Variants in ICAM5 observed in about 807,000 individuals in gnomAD.
ICAM5 encodes intercellular adhesion molecule 5, also known as ICAM-5.
ICAM5 carries 38 observed loss-of-function variants against 78.8 expected under a neutral mutation model. The ratio of observed to expected loss-of-function variants is 0.48; its 90% CI spans 0.37 to 0.63. The LOEUF (loss-of-function observed/expected upper bound fraction) is 0.63. Among genes scored for constraint, ICAM5 ranks in the 30% least tolerant of loss-of-function variants. The probability of loss-of-function intolerance (pLI) is 0.00; values close to 1 mark genes in which losing one functional copy is unlikely to be tolerated. For synonymous variants in ICAM5, 544 were observed against 590.9 expected, an observed-to-expected ratio of 0.92 and a Z score of 1.15; for missense variants, 1,059 against 1,303.0, an observed-to-expected ratio of 0.81 and a Z score of 2.88.
chr19:10,296,510 G>C lies in ICAM5; in HGVS notation c.2669G>C (p.Gly890Ala), dbSNP rs1265555773. 1 of 1,221,374 alleles carries C rather than the reference G, an allele frequency of 8.2e-7. No homozygotes were observed. Among genetic ancestry groups the C allele is most frequent in the African/African-American group, 1.6e-5 (1 of 63,096 alleles). 75.7% of individuals were successfully genotyped at this position (1,221,374 alleles called of 1,614,324 possible). The change falls in exon 11 of 11, where the codon GGC (glycine) becomes GCC (alanine). Residue 890 changes from glycine (G) to alanine (A), a missense_variant. Physicochemically the swap from Gly to Ala is moderately conservative, Grantham distance 60. This residue lies in a region of ICAM5 where 109 missense variants were observed against 120.0 expected (regional missense o/e 0.91). Transcript: ENST00000221980. ...EAVCLNGAGG[G>A]AGGAAGAEGG... ...GTGTGTCTGAACGGAGCGGGCGGCG[G>C]CGCTGGCGGGGCGGCAGGCGCGGAG...
chr19:10,290,123 C>T lies in ICAM5; in HGVS notation c.80C>T (p.Ser27Leu). The T allele has an allele frequency of 6.6e-7, 1 of 1,524,664 alleles. No homozygotes were observed. Among genetic ancestry groups the T allele is most frequent in the Non-Finnish European group, 8.8e-7 (1 of 1,134,112 alleles). 94.4% of individuals were successfully genotyped at this position (1,524,664 alleles called of 1,614,324 possible). A position where few individuals can be genotyped will look rare whatever the true frequency, so the allele number is the denominator to read the frequency against. The change falls in exon 1 of 11, where the codon TCA becomes TTA. Residue 27 changes from serine (S) to leucine (L), a missense_variant and splice_region_variant. Physicochemically the swap from Ser to Leu is moderately radical, Grantham distance 145. Transcript: ENST00000221980. The surrounding 1 kb of genome is among the most constrained non-coding windows in gnomAD (Gnocchi z 5.7). ...CTGGGCCTGGGGCTCTTCGGCCTCT[C>T]AGGTAAGAGCCCCGCTCTGGTTCGG... ...AALGLGLFGL[S>L]AVSQEPFWAD... is the part of the protein sequence containing the mutation.
rs1466909315 is a variant in ICAM5 at position 10,296,557 on chromosome 19, G to A, written c.2716G>A (p.Gly906Ser). ...GGAGGGCGGACCCGAGGCGGCGGGGGGCGCGGCCGAGTCGCCGGCGGAGGG... is the reference window on the plus strand; with the variant it reads ...GGAGGGCGGACCCGAGGCGGCGGGGAGCGCGGCCGAGTCGCCGGCGGAGGG... Reference protein sequence around the residue: ...GAEGGPEAAGGAAESPAEGEV... With the variant: ...GAEGGPEAAGSAAESPAEGEV... Residue 906 changes from glycine to serine, a missense_variant, in exon 11 of 11, where the codon GGC becomes AGC. Gly to Ser is a moderately conservative substitution (Grantham distance 56, BLOSUM62 0). Transcript: ENST00000221980. 4.1e-6 allele frequency: 5 copies of A among 1,220,206 alleles called. No individual in the cohort carries two copies. Among genetic ancestry groups the A allele is most frequent in the Non-Finnish European group, 4.1e-6 (4 of 972,788 alleles). 75.6% of individuals were successfully genotyped at this position (1,220,206 alleles called of 1,614,324 possible). A position where few individuals can be genotyped will look rare whatever the true frequency, so the allele number is the denominator to read the frequency against.
At position 10,289,990 on chromosome 19, in the gene ICAM5, C is replaced by T. The variant is rs540124272; in HGVS notation, c.-54C>T. 7 of 1,462,608 alleles carry T rather than the reference C, an allele frequency of 4.8e-6. No individual in the cohort carries two copies. The East Asian group carries it at 1.5e-4, about 32-fold the overall frequency. The allele number at this position is 1,462,608 out of a possible 1,614,324, so 90.6% of individuals were successfully genotyped here. Reference sequence around the variant, plus strand: ...CGCGCCGCGCGGAGCCGTCCTCTAGCCCAGCTCCTCGGCTCGCGCTCTCCT... The same window carrying T: ...CGCGCCGCGCGGAGCCGTCCTCTAGTCCAGCTCCTCGGCTCGCGCTCTCCT... On this transcript the variant is annotated 5_prime_UTR_variant, in exon 1 of 11. Coordinates refer to ENST00000221980, the MANE Select transcript of ICAM5 (RefSeq NM_003259.4).
At position 10,294,351 on chromosome 19, in the gene ICAM5, G is replaced by A; in HGVS notation, c.1990+33G>A. On this transcript the variant is annotated intron_variant, in intron 8 of 10. Transcript: ENST00000221980. The surrounding 1 kb of genome is among the most constrained non-coding windows in gnomAD (Gnocchi z 7.7). ...AGGCCCAGGCGGGTAGGGAGCAGGG[G>A]TGCCCCACGGTCCAGGCACTCCCTG... is the stretch of plus-strand genomic sequence containing the variant. The A allele has an allele frequency of 6.2e-7, 1 of 1,612,280 alleles. No homozygotes were observed. Among genetic ancestry groups the A allele is most frequent in the Non-Finnish European group, 8.5e-7 (1 of 1,179,312 alleles).
chr19:10,291,991 T>C (rs758228996), intron 3 of ICAM5, 44 bp from the exon 4 acceptor site: 12 of 1,590,750 alleles, frequency 7.5e-6, no homozygotes, highest in African/African-American at 5.4e-5. Flanking sequence ...TTAGGACATA[T>C]TGAGCGCTCG....
Position 10,296,757 on chromosome 19 carries a change from C to T in ICAM5, c.*141C>T, listed in dbSNP as rs2040224139. The T allele has an allele frequency of 1.4e-6, 1 of 714,454 alleles. No individual in the cohort carries two copies. The highest frequency in any genetic ancestry group is 4.7e-5 in the East Asian group (1 of 21,304). 44.3% of individuals were successfully genotyped at this position (714,454 alleles called of 1,614,324 possible). ...CACCCCCATTTTCTACCCATCCCCT[C>T]AATAAAGTTTTTATAAAGGAACTCC... is the stretch of plus-strand genomic sequence containing the variant. On this transcript the variant is annotated 3_prime_UTR_variant, in exon 11 of 11. Transcript: ENST00000221980.
At chr19:10,296,217 C>G in intron 10 of ICAM5, 122 bp from the exon 11 acceptor site, 1 of 1,012,322 alleles carries the variant, frequency 9.9e-7, no homozygotes, top group Middle Eastern at 3.7e-4. Context: ...TCCCTTCTCC[C>G]AAGGCCAGAC....
At chr19:10,292,386 G>C in intron 4 of ICAM5, 64 bp downstream of exon 4, 1 of 1,502,682 alleles carries the variant, frequency 6.7e-7, no homozygotes, top group Non-Finnish European at 8.9e-7. Flanking sequence ...AAGGCGGGGC[G>C]AAGAGTGGGC....
Position 10,290,410 on chromosome 19 carries a change from C to A in ICAM5, c.82+285C>A. 4.9e-6 allele frequency: 2 copies of A among 407,722 alleles called. No individual in the cohort carries two copies. Among genetic ancestry groups the A allele is most frequent in the Non-Finnish European group, 8.8e-6 (2 of 226,818 alleles). 25.3% of individuals were successfully genotyped at this position (407,722 alleles called of 1,614,324 possible). A position where few individuals can be genotyped will look rare whatever the true frequency, so the allele number is the denominator to read the frequency against. ...GTCTCTCCTGTCCGCTCCCCGGGTA[C>A]CTCCTTACGCTGTGCTGTGCACCAT... is the stretch of plus-strand genomic sequence containing the variant. On this transcript the variant is annotated intron_variant, in intron 1 of 10. Transcript: ENST00000221980. The surrounding 1 kb of genome is among the most constrained non-coding windows in gnomAD (Gnocchi z 5.7).
rs776707908 is a variant in ICAM5 at position 10,292,045 on chromosome 19, G to A, written c.684G>A (p.Pro228=). 9.9e-6 allele frequency: 16 copies of A among 1,611,560 alleles called. No homozygotes were observed. The highest frequency in any genetic ancestry group is 1.4e-5 in the Non-Finnish European group (16 of 1,178,702). Residue 228 remains proline (P), a synonymous_variant, in exon 4 of 11, where the codon CCG becomes CCA. Coordinates refer to ENST00000221980, the MANE Select transcript of ICAM5 (RefSeq NM_003259.4). Reference sequence around the variant, plus strand: ...TTCTTCGACCCCTAGCCCTGTCTCCGGATGCCCCGCGCCTCGCTGCTCCCC... The same window carrying A: ...TTCTTCGACCCCTAGCCCTGTCTCCAGATGCCCCGCGCCTCGCTGCTCCCC... ...PRELRTFSLS[P]DAPRLAAPRL...
rs1251155808 is a variant in ICAM5, at chr19:10,293,756, A to G, written c.1524A>G (p.Thr508=). ...CPERITWLEG[T]EASLSCVAHG... is the part of the protein sequence containing the mutation. ...AACGCATTACTTGGCTGGAGGGAAC[A>G]GAAGCCTCGCTGAGCTGTGTGGCGC... Residue 508 remains threonine (T), a synonymous_variant, in exon 7 of 11, where the codon ACA becomes ACG. Transcript: ENST00000221980. The surrounding 1 kb of genome is among the most constrained non-coding windows in gnomAD (Gnocchi z 5.0). 1.2e-6 allele frequency: 2 copies of G among 1,613,902 alleles called. No homozygotes were observed. Among genetic ancestry groups the G allele is most frequent in the Admixed American group, 3.3e-5 (2 of 60,012 alleles).
At chr19:10,292,507 C>A in intron 4 of ICAM5, 105 bp from the exon 5 acceptor site, 1 of 1,451,050 alleles carries the variant, frequency 6.9e-7, no homozygotes, top group Non-Finnish European at 9.3e-7. Context: ...GGCGCCGTAC[C>A]CTAGTTCGTT....
Position 10,293,376 on chromosome 19 carries a change from G to A in ICAM5, c.1465+130G>A. The A allele has an allele frequency of 8.0e-7, 1 of 1,254,852 alleles. No individual in the cohort carries two copies. The highest frequency in any genetic ancestry group is 2.5e-5 in the East Asian group (1 of 40,770). 77.7% of individuals were successfully genotyped at this position (1,254,852 alleles called of 1,614,324 possible). A position where few individuals can be genotyped will look rare whatever the true frequency, so the allele number is the denominator to read the frequency against. On this transcript the variant is annotated intron_variant, in intron 6 of 10. Coordinates refer to ENST00000221980, the MANE Select transcript of ICAM5 (RefSeq NM_003259.4). This position sits in a 1 kb window ranked among gnomAD's most constrained non-coding sequence, Gnocchi z 5.0. ...AGGTTTTGGGAAAGGGAAGAGGCTGGTTAGTGGGGTTGGAGAAAGATCTTG... is the reference window on the plus strand; with the variant it reads ...AGGTTTTGGGAAAGGGAAGAGGCTGATTAGTGGGGTTGGAGAAAGATCTTG...
In ICAM5 at chr19:10,291,853, C is replaced by A; in HGVS notation, c.673+44C>A. On this transcript the variant is annotated intron_variant, in intron 3 of 10. Coordinates refer to ENST00000221980, the MANE Select transcript of ICAM5 (RefSeq NM_003259.4). Reference sequence around the variant, plus strand: ...GAGATGGGGACCCAGTGGGGTCGGTCGGTGTTTAGGAGGTTTAGAGGTAGA... The same window carrying A: ...GAGATGGGGACCCAGTGGGGTCGGTAGGTGTTTAGGAGGTTTAGAGGTAGA... 4 of 1,581,466 alleles carry A rather than the reference C, an allele frequency of 2.5e-6. No homozygotes were observed. The South Asian group carries it at 4.5e-5, about 18-fold the overall frequency.
Position 10,290,231 on chromosome 19 carries a change from G to C in ICAM5, c.82+106G>C. The C allele has an allele frequency of 1.3e-6, 1 of 796,482 alleles. No homozygotes were observed. The highest frequency in any genetic ancestry group is 2.0e-5 in the South Asian group (1 of 50,842). The allele number at this position is 796,482 out of a possible 1,614,324, so 49.3% of individuals were successfully genotyped here. The stretch of plus-strand genomic sequence containing the variant: ...AGCTCTGCCCTCGCCTCGCTCCCAC[G>C]CCTCTGCCCCCACCTCGAGCCTGAG... On this transcript the variant is annotated intron_variant, in intron 1 of 10. Coordinates refer to ENST00000221980, the MANE Select transcript of ICAM5 (RefSeq NM_003259.4). This position sits in a 1 kb window ranked among gnomAD's most constrained non-coding sequence, Gnocchi z 5.7.
Position 10,293,395 on chromosome 19 carries a change from G to T in ICAM5, c.1465+149G>T. ...AGGCTGGTTAGTGGGGTTGGAGAAA[G>T]ATCTTGGAGGATGGAAGGGACCGGG... is the stretch of plus-strand genomic sequence containing the variant. On this transcript the variant is annotated intron_variant, in intron 6 of 10. Transcript: ENST00000221980. This position sits in a 1 kb window ranked among gnomAD's most constrained non-coding sequence, Gnocchi z 5.0. The T allele has an allele frequency of 8.6e-7, 1 of 1,162,200 alleles. No homozygotes were observed. The highest frequency in any genetic ancestry group is 1.2e-6 in the Non-Finnish European group (1 of 841,994). 72.0% of individuals were successfully genotyped at this position (1,162,200 alleles called of 1,614,324 possible). A position where few individuals can be genotyped will look rare whatever the true frequency, so the allele number is the denominator to read the frequency against.
At position 10,291,923 on chromosome 19, in the gene ICAM5, T is replaced by A; in HGVS notation, c.674-112T>A. On this transcript the variant is annotated intron_variant, in intron 3 of 10. Transcript: ENST00000221980. ...CGACTTCAACCCTCGCCGGCTGAGC[T>A]GTTTCCCCCTCCGTGCCTTGAGGAT... 2.0e-6 allele frequency: 3 copies of A among 1,482,652 alleles called. No homozygotes were observed. The South Asian group carries it at 3.6e-5, about 18-fold the overall frequency. The allele number at this position is 1,482,652 out of a possible 1,614,324, so 91.8% of individuals were successfully genotyped here.
At position 10,294,365 on chromosome 19, in the gene ICAM5, A is replaced by G. The variant is rs1382203614; in HGVS notation, c.1991-36A>G. The G allele has an allele frequency of 1.2e-6, 2 of 1,612,752 alleles. No individual in the cohort carries two copies. Among genetic ancestry groups the G allele is most frequent in the Non-Finnish European group, 1.7e-6 (2 of 1,179,660 alleles). ...AGGGAGCAGGGGTGCCCCACGGTCCAGGCACTCCCTGACATCCCCCATGGC... is the reference window on the plus strand; with the variant it reads ...AGGGAGCAGGGGTGCCCCACGGTCCGGGCACTCCCTGACATCCCCCATGGC... On this transcript the variant is annotated intron_variant, in intron 8 of 10. Transcript: ENST00000221980. The surrounding 1 kb of genome is among the most constrained non-coding windows in gnomAD (Gnocchi z 7.7).
Position 10,295,448 on chromosome 19 carries a change from A to C in ICAM5, c.2333A>C (p.Gln778Pro). Reference protein sequence around the residue: ...TCRAEAWPPAQISWRAPPGAL... With the variant: ...TCRAEAWPPAPISWRAPPGAL... Reference sequence around the variant, plus strand: ...CGCGCGGAGGCCTGGCCTCCAGCCCAGATCAGCTGGCGCGCGCCCCCGGGG... The same window carrying C: ...CGCGCGGAGGCCTGGCCTCCAGCCCCGATCAGCTGGCGCGCGCCCCCGGGG... Residue 778 changes from glutamine to proline, a missense_variant, in exon 10 of 11, where the codon CAG (glutamine) becomes CCG (proline). By Grantham distance (76) the Gln-to-Pro change is moderately conservative. This residue lies in a region of ICAM5 where 135 missense variants were observed against 230.2 expected (regional missense o/e 0.59). Coordinates refer to ENST00000221980, the MANE Select transcript of ICAM5 (RefSeq NM_003259.4). 1.2e-6 allele frequency: 2 copies of C among 1,607,758 alleles called. No homozygotes were observed. The highest frequency in any genetic ancestry group is 1.7e-6 in the Non-Finnish European group (2 of 1,178,542).
Sources: gnomAD v4.1 joint callset for allele counts on GRCh38, gnomAD v4.1.1 for gene constraint, gnomAD v4.1.1 regional missense constraint, Gnocchi (gnomAD v3.1) non-coding constraint, MANE v1.5 for transcripts, NCBI Gene and HGNC (gene_info 2026-07-23, HGNC 2026-07-21) for gene names.